Variants in NCOA6 observed in about 807,000 individuals in gnomAD.
NCOA6 encodes the protein NRC RAP250.
NCOA6 carries 49 observed loss-of-function variants against 171.4 expected under a neutral mutation model. The observed-to-expected ratio is 0.29, with a 90% CI of 0.23 to 0.36. NCOA6 has a LOEUF of 0.36. Ranked by LOEUF, NCOA6 falls within the 10% of genes least tolerant of loss-of-function variation. The probability of loss-of-function intolerance (pLI) is 1.00; values close to 1 mark genes in which losing one functional copy is unlikely to be tolerated. For missense variants in NCOA6, 2,248 were observed against 2,554.5 expected, an observed-to-expected ratio of 0.88 and a Z score of 2.59; for synonymous variants, 910 against 927.5, an observed-to-expected ratio of 0.98 and a Z score of 0.34.
In NCOA6 at chr20:34,757,704, G is replaced by C. The variant is rs749907704; in HGVS notation, c.1044C>G (p.Pro348=). 1.5e-5 allele frequency: 24 copies of C among 1,614,192 alleles called. No homozygotes were observed. The highest frequency in any genetic ancestry group is 1.9e-5 in the Non-Finnish European group (22 of 1,180,032). The change falls in exon 7 of 15, where the codon CCC becomes CCG. Residue 348 remains proline, a synonymous_variant. Coordinates refer to ENST00000359003, the MANE Select transcript of NCOA6 (RefSeq NM_014071.5). ...GTTGCTGTTGCATTGGGCCGGGCAA[G>C]GGAGCCTTCTTCCACCCTTGGTTTG... The part of the protein sequence containing the change: ...MTANQGWKKA[P]LPGPMQQQLQ...
intron 12 of NCOA6, among the ~76,000 whole-genome samples, chr20:34,733,128 C>T (rs779213646): frequency 2.0e-5 from 3 of 152,192 alleles, no homozygotes; most frequent in Non-Finnish European, 2.9e-5. Context: ...CCCAGCAATG[C>T]CCTCCAAGCA....
intron 1 of NCOA6, among the ~76,000 whole-genome samples, chr20:34,810,447 G>A (rs1046603677): frequency 2.6e-5 from 4 of 151,840 alleles, no homozygotes; most frequent in Non-Finnish European, 4.4e-5. Flanking sequence ...CAAGTAAATA[G>A]AAAACACATG....
chr20:34,788,042 A>G (rs962865267), intron 2 of NCOA6, among the ~76,000 whole-genome samples: 3 of 151,848 alleles, frequency 2.0e-5, no homozygotes, highest in Admixed American at 1.3e-4. Flanking sequence ...AATTTTTTGT[A>G]TTTTAGTAGA....
At chr20:34,739,092 G>A (rs2076050535) in intron 11 of NCOA6, among the ~76,000 whole-genome samples, 1 of 152,198 alleles carries the variant, frequency 6.6e-6, no homozygotes, top group South Asian at 2.1e-4. Flanking sequence ...AGAAGGGAAG[G>A]AGGGGCGGTT....
intron 5 of NCOA6, among the ~76,000 whole-genome samples, chr20:34,766,354 T>C (rs2076981143): frequency 6.6e-6 from 1 of 152,108 alleles, no homozygotes; most frequent in Non-Finnish European, 1.5e-5. Flanking sequence ...GCTCAGTTCA[T>C]GCCTGTAATC....
intron 5 of NCOA6, among the ~76,000 whole-genome samples, chr20:34,765,540 A>C (rs1275077017): frequency 6.6e-6 from 1 of 152,102 alleles, no homozygotes; most frequent in Admixed American, 6.6e-5. Context: ...CAATAGTGAC[A>C]CTATAACATG....
At chr20:34,793,472 C>T (rs1196816525) in intron 1 of NCOA6, among the ~76,000 whole-genome samples, 1 of 151,862 alleles carries the variant, frequency 6.6e-6, no homozygotes, top group Non-Finnish European at 1.5e-5. Context: ...AAAACTTATG[C>T]ATGGAACTTG....
chr20:34,750,923 C>T (rs146643042), intron 8 of NCOA6, among the ~76,000 whole-genome samples: 96 of 149,692 alleles, frequency 6.4e-4, no homozygotes, highest in African/African-American at 2.2e-3. Context: ...CTGAGGCAGG[C>T]GGATTGCTTG....
intron 1 of NCOA6, among the ~76,000 whole-genome samples, chr20:34,802,793 A>G (rs2078298827): frequency 6.6e-6 from 1 of 152,198 alleles, no homozygotes; most frequent in African/African-American, 2.4e-5. Context: ...GGCAAAATGC[A>G]AGTTGAGAGT....
At position 34,740,620 on chromosome 20, in the gene NCOA6, G is replaced by A; in HGVS notation, c.5636C>T (p.Pro1879Leu). The A allele has an allele frequency of 1.2e-6, 2 of 1,614,190 alleles. 1 individual carries two copies. Among genetic ancestry groups the A allele is most frequent in the South Asian group, 2.2e-5 (2 of 91,080 alleles). ...TAGCAGAGTGGGTGCTGGGGGCGTT[G>A]GGGTTTTACTGTCCAGCTCTGTGGA... The part of the protein sequence containing the change: ...QLSTELDSKT[P>L]TPPAPTLLKM... The change falls in exon 11 of 15, where the codon CCA (proline) becomes CTA (leucine). Residue 1879 changes from proline to leucine, a missense_variant. Physicochemically the swap from Pro to Leu is moderately conservative, Grantham distance 98. Coordinates refer to ENST00000359003, the MANE Select transcript of NCOA6 (RefSeq NM_014071.5).
rs531667202 is a variant in NCOA6 at position 34,763,372 on chromosome 20, A to G, written c.515-4439T>C. 1.2e-4 allele frequency among the ~76,000 whole-genome samples: 19 copies of G among 152,286 alleles called. No individual in the cohort carries two copies. The East Asian group carries it at 3.1e-3, about 25-fold the overall frequency. On this transcript the variant is annotated intron_variant, in intron 5 of 14. Coordinates refer to ENST00000359003, the MANE Select transcript of NCOA6 (RefSeq NM_014071.5). ...AATCCACCTATTTCTAATTTGCTGA[A>G]TAAGTTATCCACTTTGATGATTTTT...
chr20:34,765,726 C>T (rs2076963817), intron 5 of NCOA6, among the ~76,000 whole-genome samples: 1 of 152,066 alleles, frequency 6.6e-6, no homozygotes, highest in Non-Finnish European at 1.5e-5. Context: ...CTAAACATCC[C>T]ACAACACACA....
chr20:34,817,942 T>C (rs2078894876), intron 1 of NCOA6, among the ~76,000 whole-genome samples: 1 of 152,168 alleles, frequency 6.6e-6, no homozygotes, highest in African/African-American at 2.4e-5. Flanking sequence ...ACTTCCCAGC[T>C]TGGAATAGAA....
intron 1 of NCOA6, among the ~76,000 whole-genome samples, chr20:34,814,828 G>C (rs2078780032): frequency 6.6e-6 from 1 of 152,186 alleles, no homozygotes; most frequent in Admixed American, 6.5e-5. Flanking sequence ...CTAACCTCAG[G>C]TGATCCACCC....
chr20:34,768,906 G>GGT (rs149688718), intron 4 of NCOA6, among the ~76,000 whole-genome samples: 10 of 151,110 alleles, frequency 6.6e-5, no homozygotes, highest in South Asian at 2.1e-4. Flanking sequence ...GTGTGTGTGG[G>GGT]GTGTGTGTGT....
rs566131065 is a variant in NCOA6 at position 34,728,226 on chromosome 20, A to G, written c.6000-819T>C. The stretch of plus-strand genomic sequence containing the variant: ...TAGAGTCAGATAACAGCATATTAGA[A>G]GCCACAGTATGGGGATAATTCACAA... On this transcript the variant is annotated intron_variant, in intron 13 of 14. Transcript: ENST00000359003. 3.9e-5 allele frequency among the ~76,000 whole-genome samples: 6 copies of G among 152,294 alleles called. No homozygotes were observed. The East Asian group carries it at 1.2e-3, about 29-fold the overall frequency.
At chr20:34,796,950 T>C (rs150897607) in intron 1 of NCOA6, among the ~76,000 whole-genome samples, 35 of 152,356 alleles carry the variant, frequency 2.3e-4, no homozygotes, top group Non-Finnish European at 4.1e-4. Flanking sequence ...ATATATTACC[T>C]ATTGAAAACA....
intron 14 of NCOA6, among the ~76,000 whole-genome samples, chr20:34,725,181 A>G (rs1989817004): frequency 6.6e-6 from 1 of 152,232 alleles, no homozygotes; most frequent in Admixed American, 6.5e-5. Flanking sequence ...TTTGATAATT[A>G]CTGATTGGTA....
Position 34,749,703 on chromosome 20 carries a change from G to C in NCOA6, c.2492C>G (p.Pro831Arg), listed in dbSNP as rs61754975. 24 of 1,614,106 alleles carry C rather than the reference G, an allele frequency of 1.5e-5. No homozygotes were observed. The highest frequency in any genetic ancestry group is 1.6e-4 in the Middle Eastern group (1 of 6,084). The change falls in exon 9 of 15, where the codon CCT (proline) becomes CGT (arginine). Residue 831 changes from proline to arginine, a missense_variant. Around this residue, in one of 7 missense-constraint regions of NCOA6, gnomAD observed 987 missense variants for 1,104.7 expected, o/e 0.89. Transcript: ENST00000359003. Reference sequence around the variant, plus strand: ...GTTTCCCTGCATGGCCTGCACATGAGGGGGGACCATGTTGGTTTGTTGAAT... The same window carrying C: ...GTTTCCCTGCATGGCCTGCACATGACGGGGGACCATGTTGGTTTGTTGAAT... Reference protein sequence around the residue: ...VSIQQTNMVPPHVQAMQGNSA... With the variant: ...VSIQQTNMVPRHVQAMQGNSA...
Sources: gnomAD v4.1 joint callset for allele counts (sites outside exome capture counted in the v4.1 genomes callset) on GRCh38, gnomAD v4.1.1 for gene constraint, gnomAD v4.1.1 regional missense constraint, MANE v1.5 for transcripts, NCBI Gene and HGNC (gene_info 2026-07-23, HGNC 2026-07-21) for gene names.